Variants in PAX3 observed in about 807,000 individuals in gnomAD.
PAX3 encodes the protein paired box 3, also known as paired box protein Pax-3.
Under a neutral mutation model 51.6 loss-of-function variants are expected in PAX3, and 14 were observed. The observed-to-expected ratio is 0.27, with a 90% CI of 0.18 to 0.42. PAX3 has a LOEUF of 0.42. PAX3 is among the 10% of genes least tolerant of loss of function. PAX3 has a pLI of 1.00. For missense variants in PAX3, 540 were observed against 642.8 expected, an observed-to-expected ratio of 0.84 and a Z score of 1.73; for synonymous variants, 280 against 253.4, an observed-to-expected ratio of 1.11 and a Z score of -1.00.
At chr2:222,213,153 G>C (rs1232898566) in intron 7 of PAX3, among the ~76,000 whole-genome samples, 1 of 152,152 alleles carries the variant, frequency 6.6e-6, no homozygotes, top group Admixed American at 6.5e-5. Context: ...GTCACTGGGT[G>C]CTACATTCTC....
chr2:222,245,873 C>T (rs1006838459), intron 4 of PAX3, among the ~76,000 whole-genome samples: 14 of 151,760 alleles, frequency 9.2e-5, no homozygotes, highest in African/African-American at 3.4e-4. Context: ...CCCACTTACT[C>T]CGGAGGCTAA....
At chr2:222,285,907 G>A (rs1156935435) in intron 4 of PAX3, among the ~76,000 whole-genome samples, 1 of 152,162 alleles carries the variant, frequency 6.6e-6, no homozygotes, top group African/African-American at 2.4e-5. Flanking sequence ...ACCAAGAAAA[G>A]TCTCCCATCC....
Position 222,294,232 on chromosome 2 carries a change from C to G in PAX3, c.521G>C (p.Arg174Thr), listed in dbSNP as rs747555465. 1 of 1,614,268 alleles carries G rather than the reference C, an allele frequency of 6.2e-7. No homozygotes were observed. The highest frequency in any genetic ancestry group is 1.1e-5 in the South Asian group (1 of 91,090). ...CTTCTCGCTTTCCTCTGCCTCCTTC[C>G]TCTCCAAGTCGGCCTCCTCCTCTTC... is the stretch of plus-strand genomic sequence containing the variant. ...KGEEEEADLE[R>T]KEAEESEKKA... The change falls in exon 4 of 9, where the codon AGG (arginine) becomes ACG (threonine). Residue 174 changes from arginine to threonine, a missense_variant. Coordinates refer to ENST00000392070, the MANE Select transcript of PAX3 (RefSeq NM_181458.4).
intron 4 of PAX3, among the ~76,000 whole-genome samples, chr2:222,244,307 G>T (rs772358574): frequency 5.3e-5 from 8 of 152,168 alleles, no homozygotes; most frequent in Non-Finnish European, 1.0e-4. Context: ...TACTGCTTAG[G>T]AGAGAGGCCA....
chr2:222,227,369 G>A (rs996883749), intron 5 of PAX3, among the ~76,000 whole-genome samples: 3 of 152,142 alleles, frequency 2.0e-5, no homozygotes, highest in Admixed American at 2.0e-4. Context: ...CAAAAAATAG[G>A]AGGATTACTT....
chr2:222,280,604 A>G (rs941369730), intron 4 of PAX3, among the ~76,000 whole-genome samples: 1 of 152,176 alleles, frequency 6.6e-6, no homozygotes, highest in African/African-American at 2.4e-5. Context: ...GCCTCTTACA[A>G]AAGCAAGATG....
In PAX3 at chr2:222,208,250, A is replaced by G. The variant is rs573237492; in HGVS notation, c.1174-6060T>C. ...TGCTTTGTGACCATGTCTACAATTA[A>G]TATGATTTATGGGAAAAGAACATGT... On this transcript the variant is annotated intron_variant, in intron 7 of 8. Coordinates refer to ENST00000392070, the MANE Select transcript of PAX3 (RefSeq NM_181458.4). Among the ~76,000 whole-genome samples the G allele has an allele frequency of 1.4e-4, 21 of 152,290 alleles. No homozygotes were observed. The East Asian group carries it at 4.0e-3, about 29-fold the overall frequency.
At chr2:222,260,679 C>T (rs781048879) in intron 4 of PAX3, among the ~76,000 whole-genome samples, 19 of 142,156 alleles carry the variant, frequency 1.3e-4, no homozygotes, top group Non-Finnish European at 2.7e-4. Flanking sequence ...GCAACCTCCA[C>T]TCCCCAGGTT....
chr2:222,234,475 TG>T (rs2106099283), intron 4 of PAX3, among the ~76,000 whole-genome samples: 1 of 152,314 alleles, frequency 6.6e-6, no homozygotes, highest in South Asian at 2.1e-4. Flanking sequence ...GATTGATAAA[TG>T]TAAGCTAAAC....
intron 4 of PAX3, among the ~76,000 whole-genome samples, chr2:222,248,428 A>G (rs527938765): frequency 1.3e-5 from 2 of 152,348 alleles, no homozygotes; most frequent in East Asian, 3.9e-4. Flanking sequence ...TTCACAAAGC[A>G]TTCACTGAAC....
In PAX3 at chr2:222,201,125, T is replaced by C. The variant is rs757543475; in HGVS notation, c.*283A>G. 1.2e-6 allele frequency: 2 copies of C among 1,600,020 alleles called. No individual in the cohort carries two copies. Among genetic ancestry groups the C allele is most frequent in the Non-Finnish European group, 1.7e-6 (2 of 1,167,748 alleles). ...TCAGCACTAAAGAATTGGGATGTTT[T>C]GATATGTAACCATGTGAAACCATTG... On this transcript the variant is annotated 3_prime_UTR_variant, in exon 9 of 9. Transcript: ENST00000392070.
rs1390952683 is a variant in PAX3, at chr2:222,201,147, A to G, written c.*261T>C. On this transcript the variant is annotated 3_prime_UTR_variant, in exon 9 of 9. Coordinates refer to ENST00000392070, the MANE Select transcript of PAX3 (RefSeq NM_181458.4). ...TTTTGATATGTAACCATGTGAAACC[A>G]TTGCCTTAAAATGTTGCATTTGTCT... 6.2e-7 allele frequency: 1 copy of G among 1,612,560 alleles called. No homozygotes were observed. The highest frequency in any genetic ancestry group is 1.7e-5 in the Admixed American group (1 of 59,980).
intron 7 of PAX3, among the ~76,000 whole-genome samples, chr2:222,206,366 C>G (rs541720725): frequency 2.0e-5 from 3 of 151,640 alleles, no homozygotes; most frequent in African/African-American, 7.3e-5. Context: ...AGAACTCTTT[C>G]TTTTTACTTT....
At chr2:222,283,118 G>A (rs768276227) in intron 4 of PAX3, among the ~76,000 whole-genome samples, 4 of 152,160 alleles carry the variant, frequency 2.6e-5, no homozygotes, top group Admixed American at 6.5e-5. Flanking sequence ...AAACTCACAC[G>A]TGTGCCAAAT....
rs1206295886 is a variant in PAX3 at position 222,288,233 on chromosome 2, C to T, written c.586+5934G>A. Among the ~76,000 whole-genome samples the T allele has an allele frequency of 2.0e-5, 3 of 152,198 alleles. No homozygotes were observed. The East Asian group carries it at 5.8e-4, about 29-fold the overall frequency. ...CTCCTGGCATTCAACAACTGGGAGG[C>T]TGTGCTGTTACCTCAGTTTCTGATG... On this transcript the variant is annotated intron_variant, in intron 4 of 8. Coordinates refer to ENST00000392070, the MANE Select transcript of PAX3 (RefSeq NM_181458.4).
Position 222,221,338 on chromosome 2 carries a change from T to C in PAX3, c.842A>G (p.Asn281Ser), listed in dbSNP as rs933379785. ...GAGATGGTTGAAAGCCATCAGTTGA[T>C]TGGCCCCAGCTTGCTTCCTCCATCT... is the stretch of plus-strand genomic sequence containing the variant. ...RARWRKQAGA[N>S]QLMAFNHLIP... Residue 281 changes from asparagine (N) to serine (S), a missense_variant, in exon 6 of 9, where the codon AAT (asparagine) becomes AGT (serine). By Grantham distance (46) the Asn-to-Ser change is conservative (BLOSUM62 1). Transcript: ENST00000392070. 6.2e-7 allele frequency: 1 copy of C among 1,614,066 alleles called. No individual in the cohort carries two copies.
chr2:222,230,125 G>A (rs192929131), intron 5 of PAX3, among the ~76,000 whole-genome samples: 2 of 151,824 alleles, frequency 1.3e-5, no homozygotes, highest in African/African-American at 4.8e-5. Context: ...TCAGTGAGCT[G>A]TGATTGTACC....
chr2:222,213,685 T>C (rs1284488548), intron 7 of PAX3, among the ~76,000 whole-genome samples: 1 of 152,176 alleles, frequency 6.6e-6, no homozygotes, highest in Non-Finnish European at 1.5e-5. Context: ...TACAGATAAA[T>C]TCCTGGAAAG....
intron 5 of PAX3, among the ~76,000 whole-genome samples, chr2:222,228,997 T>A (rs1209296167): frequency 6.6e-6 from 1 of 152,012 alleles, no homozygotes; most frequent in Non-Finnish European, 1.5e-5. Flanking sequence ...GCTTGGCCAG[T>A]TACAGAGGAC....
Sources: gnomAD v4.1 joint callset for allele counts (sites outside exome capture counted in the v4.1 genomes callset) on GRCh38, gnomAD v4.1.1 for gene constraint, MANE v1.5 for transcripts, NCBI Gene and HGNC (gene_info 2026-07-23, HGNC 2026-07-21) for gene names.